ADAMTSL1: variants seen among roughly 807,000 people sequenced by gnomAD.
ADAMTSL1 encodes the protein ADAMTS-like protein 1.
ADAMTSL1 carries 126 observed loss-of-function variants against 201.8 expected under a neutral mutation model. The ratio of observed to expected loss-of-function variants is 0.62; its 90% CI spans 0.54 to 0.72. ADAMTSL1 has a LOEUF of 0.72. ADAMTSL1 is among the 30% of genes least tolerant of loss of function. The probability of loss-of-function intolerance (pLI) is 0.00; values close to 1 mark genes in which losing one functional copy is unlikely to be tolerated. For missense variants in ADAMTSL1, 2,679 were observed against 2,277.8 expected (o/e 1.18, Z -3.59); for synonymous variants, 1,121 against 903.4 (o/e 1.24, Z -4.32).
chr9:18,570,907 G>T (rs1822255195), intron 3 of ADAMTSL1, among the ~76,000 whole-genome samples: 1 of 152,178 alleles, frequency 6.6e-6, no homozygotes. Flanking sequence ...CTTGTAACAG[G>T]TGTTCCTGAA....
intron 15 of ADAMTSL1, among the ~76,000 whole-genome samples, chr9:18,724,438 G>A (rs984255806): frequency 6.6e-6 from 1 of 152,178 alleles, no homozygotes; most frequent in Non-Finnish European, 1.5e-5. Context: ...CCAGGTTTAG[G>A]CAAATACATC....
chr9:18,023,738 G>A (rs1349772491), intron 1 of ADAMTSL1, among the ~76,000 whole-genome samples: 2 of 152,032 alleles, frequency 1.3e-5, no homozygotes, highest in South Asian at 2.1e-4. Context: ...CTGTTTCTTC[G>A]TGTAAAAATT....
intron 1 of ADAMTSL1, among the ~76,000 whole-genome samples, chr9:18,039,072 T>G (rs1372813941): frequency 6.6e-6 from 1 of 152,120 alleles, no homozygotes; most frequent in Middle Eastern, 3.2e-3. Context: ...GGACCTCAGG[T>G]ATAATAACAT....
chr9:18,471,277 A>G (rs1563980005), upstream of ADAMTSL1, among the ~76,000 whole-genome samples: 1 of 152,234 alleles, frequency 6.6e-6, no homozygotes. Context: ...TACATCATAT[A>G]TAGATATAAT....
At chr9:18,203,738 G>C (rs1030528656) in intron 2 of ADAMTSL1, among the ~76,000 whole-genome samples, 2 of 152,136 alleles carry the variant, frequency 1.3e-5, no homozygotes, top group African/African-American at 4.8e-5. Flanking sequence ...GGTAAGACTG[G>C]AGGGAGTGAG....
chr9:18,358,663 C>A (rs751863887), intron 2 of ADAMTSL1, among the ~76,000 whole-genome samples: 4 of 152,116 alleles, frequency 2.6e-5, no homozygotes, highest in East Asian at 1.9e-4. Flanking sequence ...AAATTTAACA[C>A]AATGTTTTAA....
At chr9:18,254,123 C>T (rs916725477) in intron 2 of ADAMTSL1, among the ~76,000 whole-genome samples, 1 of 152,096 alleles carries the variant, frequency 6.6e-6, no homozygotes, top group African/African-American at 2.4e-5. Flanking sequence ...ACCCTGTAAG[C>T]TGTGTGGTCT....
intron 2 of ADAMTSL1, among the ~76,000 whole-genome samples, chr9:18,398,913 A>G (rs764918941): frequency 6.6e-6 from 1 of 152,176 alleles, no homozygotes; most frequent in Non-Finnish European, 1.5e-5. Flanking sequence ...TGAAATTCAG[A>G]TGATAATGTA....
intron 27 of ADAMTSL1, 75 bp downstream of exon 27, chr9:18,905,966 T>A: frequency 1.5e-6 from 2 of 1,321,970 alleles, no homozygotes; most frequent in Non-Finnish European, 2.1e-6. Flanking sequence ...AGTGAATGTT[T>A]CTCCTCCAAC....
chr9:18,326,592 T>C (rs1441831874), intron 2 of ADAMTSL1, among the ~76,000 whole-genome samples: 2 of 152,206 alleles, frequency 1.3e-5, no homozygotes, highest in African/African-American at 4.8e-5. Context: ...ATATCAGGCA[T>C]CTTAAATATT....
intron 5 of ADAMTSL1, among the ~76,000 whole-genome samples, chr9:18,632,210 C>A (rs1037152669): frequency 1.3e-5 from 2 of 152,220 alleles, no homozygotes; most frequent in African/African-American, 2.4e-5. Context: ...GTAGAAGCAT[C>A]TTCCAATCCA....
chr9:18,076,456 A>G (rs1158168578), intron 1 of ADAMTSL1, among the ~76,000 whole-genome samples: 4 of 152,226 alleles, frequency 2.6e-5, no homozygotes, highest in Non-Finnish European at 5.9e-5. Context: ...AGTGGCTATA[A>G]ATGCTGTGGC....
At chr9:18,190,470 G>A (rs1025085339) in intron 2 of ADAMTSL1, among the ~76,000 whole-genome samples, 7 of 152,128 alleles carry the variant, frequency 4.6e-5, no homozygotes, top group Non-Finnish European at 1.0e-4. Flanking sequence ...ATGCTTGTCT[G>A]AATTATGTCC....
chr9:18,182,127 G>A (rs961792475), intron 2 of ADAMTSL1, among the ~76,000 whole-genome samples: 1 of 148,420 alleles, frequency 6.7e-6, no homozygotes, highest in African/African-American at 2.5e-5. Context: ...ATCACACTCT[G>A]GGGCCTGTTG....
chr9:18,721,060 G>C (rs1267699809), intron 14 of ADAMTSL1, among the ~76,000 whole-genome samples: 1 of 152,180 alleles, frequency 6.6e-6, no homozygotes, highest in Non-Finnish European at 1.5e-5. Context: ...CTAGATTCAA[G>C]ACCTCAAGAG....
intron 2 of ADAMTSL1, 92 bp from the exon 3 acceptor site, chr9:18,533,155 A>C (rs887892807): frequency 1.0e-6 from 1 of 961,028 alleles, no homozygotes; most frequent in African/African-American, 1.7e-5. Flanking sequence ...AGGCCCTTTT[A>C]CTAGTATTTA....
chr9:18,826,520 C>T, intron 22 of ADAMTSL1, 57 bp downstream of exon 22: 1 of 1,555,492 alleles, frequency 6.4e-7, no homozygotes, highest in Non-Finnish European at 8.7e-7. Context: ...GACTATCTAA[C>T]CCACCCTCTA....
intron 13 of ADAMTSL1, among the ~76,000 whole-genome samples, chr9:18,697,539 C>A (rs889213465): frequency 1.3e-5 from 2 of 152,122 alleles, no homozygotes; most frequent in Admixed American, 6.5e-5. Context: ...CCAACAGTAC[C>A]CATCTCCCAA....
rs1822158951 is a variant in ADAMTSL1, at chr9:18,055,882, G to A, written c.88-107980G>A. The stretch of plus-strand genomic sequence containing the variant: ...CAAAATATGGGCTTGAAGCCCCTGT[G>A]AGGCCAATCAGCTATTAACTATGCT... On this transcript the variant is annotated intron_variant, in intron 1 of 29. Coordinates refer to the ADAMTSL1 transcript ENST00000680146. 2.0e-5 allele frequency among the ~76,000 whole-genome samples: 3 copies of A among 152,230 alleles called. No individual in the cohort carries two copies. In the South Asian group the frequency reaches 6.2e-4, roughly 31 times the overall value.
Sources: allele counts gnomAD v4.1 joint callset (sites outside exome capture counted in the v4.1 genomes callset), GRCh38; gene constraint gnomAD v4.1.1; transcripts MANE v1.5; gene names NCBI Gene and HGNC (gene_info 2026-07-23, HGNC 2026-07-21).